The following REEP1 variants were observed in gnomAD, a reference collection of about 807,000 sequenced individuals.
REEP1 encodes receptor accessory protein 1, also known as receptor expression-enhancing protein 1.
In REEP1, 22 loss-of-function variants were observed where a neutral mutation model predicts 40.3. The observed-to-expected ratio is 0.55, with a 90% CI of 0.39 to 0.78. The LOEUF (loss-of-function observed/expected upper bound fraction) is 0.78. Among genes scored for constraint, REEP1 ranks in the 30% least tolerant of loss-of-function variants. REEP1 has a pLI of 0.00. For missense variants in REEP1, 280 were observed against 361.1 expected, an observed-to-expected ratio of 0.78 and a Z score of 1.82; for synonymous variants, 116 against 139.2, an observed-to-expected ratio of 0.83 and a Z score of 1.17.
chr2:86,303,849 GC>G (rs1421810515), intron 1 of REEP1, among the ~76,000 whole-genome samples: 1 of 152,120 alleles, frequency 6.6e-6, no homozygotes, highest in Non-Finnish European at 1.5e-5. Context: ...GCTACAAATG[GC>G]TCAGTGCAGC....
intron 3 of REEP1, among the ~76,000 whole-genome samples, chr2:86,255,543 T>A (rs534315075): frequency 1.3e-5 from 2 of 152,286 alleles, no homozygotes; most frequent in Non-Finnish European, 2.9e-5. Flanking sequence ...ACCCAGTCCC[T>A]GTACGTGCCA....
intron 1 of REEP1, among the ~76,000 whole-genome samples, chr2:86,314,946 GT>G (rs1196834433): frequency 2.0e-5 from 3 of 151,752 alleles, no homozygotes; most frequent in Non-Finnish European, 1.5e-5. Flanking sequence ...ACTCACCTCC[GT>G]CTCCCGAAGT....
chr2:86,275,161 CT>C (rs1441473155), intron 2 of REEP1, among the ~76,000 whole-genome samples: 2 of 152,152 alleles, frequency 1.3e-5, no homozygotes, highest in African/African-American at 4.8e-5. Context: ...AAATTCAAGC[CT>C]GCTTTACAGA....
intron 2 of REEP1, among the ~76,000 whole-genome samples, chr2:86,266,660 AAAATAAAT>A (rs1313478910): frequency 1.4e-5 from 2 of 147,730 alleles, no homozygotes; most frequent in South Asian, 2.1e-4. Context: ...TAAAAAAAAT[AAAATAAAT>A]AAATAAATAA....
chr2:86,329,605 A>T (rs1389434668), intron 1 of REEP1, among the ~76,000 whole-genome samples: 1 of 152,134 alleles, frequency 6.6e-6, no homozygotes, highest in Admixed American at 6.5e-5. Flanking sequence ...TCTCTTTTCA[A>T]TTCACAGGGG....
intron 5 of REEP1, among the ~76,000 whole-genome samples, chr2:86,247,265 A>C (rs770249329): frequency 9.9e-5 from 15 of 152,190 alleles, no homozygotes; most frequent in Non-Finnish European, 8.8e-5. Context: ...AGAAAGATGC[A>C]TCAACACTTC....
intron 5 of REEP1, among the ~76,000 whole-genome samples, chr2:86,247,137 T>C (rs748626255): frequency 6.6e-6 from 1 of 152,176 alleles, no homozygotes; most frequent in Non-Finnish European, 1.5e-5. Flanking sequence ...CTGGATGGAA[T>C]TACCAGTTAG....
intron 3 of REEP1, among the ~76,000 whole-genome samples, chr2:86,257,138 A>T (rs939351667): frequency 4.6e-5 from 7 of 152,196 alleles, no homozygotes; most frequent in African/African-American, 1.7e-4. Flanking sequence ...TGATTCTCCC[A>T]TATTTGAATA....
chr2:86,290,045 G>A (rs2104423454), intron 1 of REEP1, among the ~76,000 whole-genome samples: 1 of 152,216 alleles, frequency 6.6e-6, no homozygotes, highest in Non-Finnish European at 1.5e-5. Context: ...CACCCAGGCT[G>A]GAGTGCAGCG....
Position 86,214,520 on chromosome 2 carries a change from A to T in REEP1, c.*2519T>A, listed in dbSNP as rs1199605290. The T allele has an allele frequency of 6.5e-6, 1 of 152,672 alleles. No homozygotes were observed. The highest frequency in any genetic ancestry group is 1.5e-5 in the Non-Finnish European group (1 of 68,050). The allele number at this position is 152,672 out of a possible 1,614,324, so 9.5% of individuals were successfully genotyped here. ...CAGACTTTCCAGCTAGCATTTTGTA[A>T]ACAGCCTGTGTCTGTAAGTCAGCAA... On this transcript the variant is annotated 3_prime_UTR_variant, in exon 9 of 9. Transcript: ENST00000538924.
chr2:86,219,495 G>A (rs1354553220), intron 8 of REEP1, among the ~76,000 whole-genome samples: 10 of 144,956 alleles, frequency 6.9e-5, no homozygotes, highest in Non-Finnish European at 1.0e-4. Context: ...GTGTCATCCC[G>A]GCTGGAGTGC....
chr2:86,268,626 C>T (rs549716847), intron 2 of REEP1, among the ~76,000 whole-genome samples: 3 of 151,888 alleles, frequency 2.0e-5, no homozygotes, highest in Admixed American at 1.3e-4. Context: ...ATCAACAAAC[C>T]GATTATAAAG....
intron 1 of REEP1, among the ~76,000 whole-genome samples, chr2:86,291,437 CT>C: frequency 6.6e-6 from 1 of 152,130 alleles, no homozygotes. Flanking sequence ...TCTTTTTCAC[CT>C]TGGCATGTGA....
At chr2:86,242,937 C>T (rs1675741725) in intron 5 of REEP1, among the ~76,000 whole-genome samples, 1 of 152,010 alleles carries the variant, frequency 6.6e-6, no homozygotes, top group Admixed American at 6.5e-5. Flanking sequence ...GGGTGCCTGA[C>T]AAGATGGTAA....
At chr2:86,261,161 G>C (rs946863642) in intron 3 of REEP1, among the ~76,000 whole-genome samples, 4 of 152,184 alleles carry the variant, frequency 2.6e-5, no homozygotes, top group Non-Finnish European at 5.9e-5. Flanking sequence ...CGGGAGGACA[G>C]AAGAGGCCCC....
intron 3 of REEP1, among the ~76,000 whole-genome samples, chr2:86,262,199 C>G (rs1558897233): frequency 6.6e-6 from 1 of 152,156 alleles, no homozygotes; most frequent in Non-Finnish European, 1.5e-5. Context: ...GTGTCTTTTT[C>G]TTTTCCAAGT....
intron 1 of REEP1, among the ~76,000 whole-genome samples, chr2:86,310,768 C>T (rs1431243032): frequency 6.6e-6 from 1 of 151,632 alleles, no homozygotes; most frequent in Admixed American, 6.6e-5. Context: ...TAACAATGTA[C>T]GGTGTATAGA....
intron 5 of REEP1, among the ~76,000 whole-genome samples, chr2:86,246,512 G>A (rs577770358): frequency 6.6e-6 from 1 of 152,192 alleles, no homozygotes; most frequent in East Asian, 1.9e-4. Flanking sequence ...ATTATTTTTC[G>A]AGTTATGAGA....
intron 1 of REEP1, among the ~76,000 whole-genome samples, chr2:86,317,870 G>A (rs183870536): frequency 3.9e-5 from 6 of 152,186 alleles, no homozygotes; most frequent in East Asian, 1.9e-4. Flanking sequence ...TGAATTATCC[G>A]CTTTTTTTCA....
Sources: allele counts gnomAD v4.1 joint callset (sites outside exome capture counted in the v4.1 genomes callset), GRCh38; gene constraint gnomAD v4.1.1; transcripts MANE v1.5; gene names NCBI Gene and HGNC (gene_info 2026-07-23, HGNC 2026-07-21).